Variants in PTPRN2 observed in about 807,000 individuals in gnomAD.
PTPRN2 encodes protein tyrosine phosphatase receptor type N2, also known as receptor-type tyrosine-protein phosphatase N2.
In PTPRN2, 74 loss-of-function variants were observed where a neutral mutation model predicts 118.8. That is an observed-to-expected ratio of 0.62 (90% CI 0.52 to 0.76). The LOEUF (loss-of-function observed/expected upper bound fraction) is 0.76, where lower values mean the gene tolerates loss of function less well. PTPRN2 is among the 30% of genes least tolerant of loss of function. The pLI is 0.00. For synonymous variants in PTPRN2, 641 were observed against 608.0 expected (o/e 1.05, Z -0.80); for missense variants, 1,481 against 1,394.4 (o/e 1.06, Z -0.99).
At chr7:157,751,581 C>T (rs1036891211) in intron 12 of PTPRN2, among the ~76,000 whole-genome samples, 4 of 152,028 alleles carry the variant, frequency 2.6e-5, no homozygotes, top group African/African-American at 9.7e-5. Context: ...TGAAGCTTGG[C>T]TGTTGCTAAG....
chr7:158,585,904 A>T (rs1246275677), intron 1 of PTPRN2, among the ~76,000 whole-genome samples: 1 of 152,212 alleles, frequency 6.6e-6, no homozygotes, highest in Non-Finnish European at 1.5e-5. Context: ...AGCCAGCTGG[A>T]GGAAGGAATA....
chr7:157,708,530 C>T (rs374798926), intron 12 of PTPRN2, among the ~76,000 whole-genome samples: 13 of 151,864 alleles, frequency 8.6e-5, no homozygotes, highest in African/African-American at 2.9e-4. Flanking sequence ...CAGAGTTGGA[C>T]GGAGGGGCCG....
At chr7:157,772,044 CCACA>C (rs1802869498) in intron 12 of PTPRN2, among the ~76,000 whole-genome samples, 7 of 143,906 alleles carry the variant, frequency 4.9e-5, no homozygotes. Context: ...GCACAGACAC[CCACA>C]CATAGAAATA....
chr7:158,256,960 C>T (rs79184981), intron 3 of PTPRN2, among the ~76,000 whole-genome samples: 3,088 of 152,206 alleles, frequency 0.02, 113 homozygotes, highest in African/African-American at 0.07. Flanking sequence ...AGCTTTTTGC[C>T]GTCTGGGAGC....
intron 2 of PTPRN2, among the ~76,000 whole-genome samples, chr7:158,322,630 T>TGGG (rs1554457089): frequency 6.6e-6 from 1 of 152,068 alleles, no homozygotes. Context: ...CTGGCCCTGG[T>TGGG]CAGCCCCAGT....
At chr7:157,656,979 CCA>C (rs1359746290) in intron 13 of PTPRN2, among the ~76,000 whole-genome samples, 4 of 139,352 alleles carry the variant, frequency 2.9e-5, no homozygotes, top group Non-Finnish European at 6.2e-5. Context: ...ACCACACACA[CCA>C]CACACATCAC....
chr7:158,091,084 T>C (rs148415666), intron 10 of PTPRN2, among the ~76,000 whole-genome samples: 1,754 of 152,348 alleles, frequency 0.012, 16 homozygotes, highest in Non-Finnish European at 0.017. Flanking sequence ...TGGGTTAGTC[T>C]GGGGGTTGTT....
intron 1 of PTPRN2, among the ~76,000 whole-genome samples, chr7:158,585,557 G>A (rs531093042): frequency 6.6e-6 from 1 of 152,276 alleles, no homozygotes; most frequent in African/African-American, 2.4e-5. Flanking sequence ...AATTATATGA[G>A]TCAACTTTGC....
intron 1 of PTPRN2, among the ~76,000 whole-genome samples, chr7:158,536,158 A>G (rs576327511): frequency 6.6e-6 from 1 of 152,154 alleles, no homozygotes; most frequent in Non-Finnish European, 1.5e-5. Context: ...AATATAAAAC[A>G]TGAAAACTAA....
intron 6 of PTPRN2, among the ~76,000 whole-genome samples, chr7:158,141,899 A>C (rs1482464305): frequency 6.6e-6 from 1 of 152,214 alleles, no homozygotes; most frequent in Non-Finnish European, 1.5e-5. Context: ...TGTACACGAA[A>C]TGTGTGACGG....
chr7:157,753,417 A>G (rs1313059043), intron 12 of PTPRN2, among the ~76,000 whole-genome samples: 1 of 152,108 alleles, frequency 6.6e-6, no homozygotes, highest in Non-Finnish European at 1.5e-5. Flanking sequence ...CTCCTGTGCT[A>G]TCAGAACACA....
chr7:158,457,463 C>T (rs1191831558), intron 2 of PTPRN2, among the ~76,000 whole-genome samples: 3 of 151,952 alleles, frequency 2.0e-5, no homozygotes, highest in Admixed American at 6.5e-5. Flanking sequence ...AGCGGATGCG[C>T]GGCCCCAGTC....
At chr7:158,393,994 G>C (rs967456979) in intron 2 of PTPRN2, among the ~76,000 whole-genome samples, 6 of 151,598 alleles carry the variant, frequency 4.0e-5, no homozygotes, top group African/African-American at 1.5e-4. Flanking sequence ...CCATCCACTG[G>C]CATCCTGGGT....
intron 3 of PTPRN2, among the ~76,000 whole-genome samples, chr7:158,225,400 C>T (rs946386092): frequency 9.2e-5 from 14 of 151,968 alleles, no homozygotes; most frequent in African/African-American, 2.7e-4. Flanking sequence ...AAGGAAAGAA[C>T]GATTAGTACA....
Position 158,299,793 on chromosome 7 carries a change from G to A in PTPRN2, c.277+17026C>T, listed in dbSNP as rs1396508219. Among the ~76,000 whole-genome samples the A allele has an allele frequency of 7.9e-5, 12 of 152,248 alleles. No homozygotes were observed. The South Asian group carries it at 2.1e-3, about 26-fold the overall frequency. On this transcript the variant is annotated intron_variant, in intron 3 of 22. Coordinates refer to ENST00000389418, the MANE Select transcript of PTPRN2 (RefSeq NM_002847.5). ...CTCAGGAAGTGGCAGAGCAGTTGGC[G>A]GTTCCCAGGCCCCCCAGGGAAGCCC...
intron 12 of PTPRN2, among the ~76,000 whole-genome samples, chr7:157,724,075 C>T (rs556421369): frequency 1.3e-5 from 2 of 152,128 alleles, no homozygotes; most frequent in East Asian, 3.9e-4. Context: ...AGGCTTCCCC[C>T]GTCTGAAGTG....
intron 12 of PTPRN2, among the ~76,000 whole-genome samples, chr7:157,701,988 G>C (rs909388786): frequency 5.2e-4 from 76 of 145,304 alleles, no homozygotes; most frequent in Non-Finnish European, 5.6e-4. Flanking sequence ...GTTTGTAAGA[G>C]AGCCGGGTAG....
chr7:157,791,822 G>A (rs971327904), intron 12 of PTPRN2, among the ~76,000 whole-genome samples: 3 of 152,232 alleles, frequency 2.0e-5, no homozygotes, highest in African/African-American at 7.2e-5. Flanking sequence ...GGACCTGGAG[G>A]GTATCGCACC....
Position 157,977,050 on chromosome 7 carries a change from GA to G in PTPRN2, c.1724-78314del, listed in dbSNP as rs531760606. 8.4e-4 allele frequency among the ~76,000 whole-genome samples: 127 copies of G among 152,084 alleles called. 1 individual carries two copies. Among genetic ancestry groups the G allele is most frequent in the African/African-American group, 2.8e-3 (118 of 41,540 alleles). On this transcript the variant is annotated intron_variant, in intron 11 of 22. Transcript: ENST00000389418. This position sits in a 1 kb window ranked among gnomAD's most constrained non-coding sequence, Gnocchi z 4.6. ...AAGCCATAAACACAGTAGTTTCCAT[GA>G]AAAACTATGAGTAGGTATGGAAAAT...
Sources: gnomAD v4.1 joint callset for allele counts (sites outside exome capture counted in the v4.1 genomes callset) on GRCh38, gnomAD v4.1.1 for gene constraint, Gnocchi (gnomAD v3.1) non-coding constraint, MANE v1.5 for transcripts, NCBI Gene and HGNC (gene_info 2026-07-23, HGNC 2026-07-21) for gene names.